Variants in TSGA13 observed in about 807,000 individuals in gnomAD.
The protein encoded by TSGA13 is testis-specific gene 13 protein.
Under a neutral mutation model 35.1 loss-of-function variants are expected in TSGA13, and 37 were observed. The observed-to-expected ratio is 1.05, with a 90% CI of 0.81 to 1.39. TSGA13 has a LOEUF of 1.39. Among genes scored for constraint, TSGA13 ranks in the 40% most tolerant of loss-of-function variants. The pLI is 0.00. For missense variants in TSGA13, 338 were observed against 328.5 expected (o/e 1.03, Z -0.22); for synonymous variants, 124 against 121.2 (o/e 1.02, Z -0.15).
At chr7:130,672,612 T>A (rs1171871307) in intron 6 of TSGA13, 122 bp downstream of exon 6, 24 of 1,329,154 alleles carry the variant, frequency 1.8e-5, no homozygotes, top group Non-Finnish European at 2.5e-5. Context: ...GTAGGGAAAG[T>A]CGTGTCTTAC....
At chr7:130,684,592 A>C (rs912896775) in intron 2 of TSGA13, among the ~76,000 whole-genome samples, 1 of 152,206 alleles carries the variant, frequency 6.6e-6, no homozygotes, top group Non-Finnish European at 1.5e-5. Flanking sequence ...TAGCCACGCT[A>C]TGTCGTTTGT....
chr7:130,679,127 T>A (rs1380356526), intron 5 of TSGA13, 28 bp downstream of exon 5: 3 of 1,575,912 alleles, frequency 1.9e-6, no homozygotes, highest in Non-Finnish European at 1.7e-6. Context: ...AGGGTTCACA[T>A]TTTGGGTGCC....
At chr7:130,680,333 C>G (rs533230328) in intron 4 of TSGA13, among the ~76,000 whole-genome samples, 43 of 151,950 alleles carry the variant, frequency 2.8e-4, no homozygotes, top group African/African-American at 1.0e-3. Context: ...GGTGAAACCC[C>G]GTCTCTACTA....
At chr7:130,682,526 AG>A (rs1294035048) in intron 3 of TSGA13, among the ~76,000 whole-genome samples, 1 of 151,968 alleles carries the variant, frequency 6.6e-6, no homozygotes, top group Non-Finnish European at 1.5e-5. Flanking sequence ...TACAGGTATG[AG>A]CCACCACGCC....
chr7:130,672,101 G>A (rs1796286475), intron 6 of TSGA13, among the ~76,000 whole-genome samples: 1 of 152,062 alleles, frequency 6.6e-6, no homozygotes, highest in Admixed American at 6.6e-5. Flanking sequence ...TGTTGGCCAG[G>A]CTGGTCTCGA....
intron 7 of TSGA13, among the ~76,000 whole-genome samples, chr7:130,669,688 G>C (rs1346798842): frequency 1.3e-5 from 2 of 152,194 alleles, no homozygotes. Flanking sequence ...CTACATCCTA[G>C]AGAAATTCTT....
chr7:130,674,789 C>T (rs1426186464), intron 5 of TSGA13, among the ~76,000 whole-genome samples: 1 of 152,180 alleles, frequency 6.6e-6, no homozygotes, highest in Non-Finnish European at 1.5e-5. Flanking sequence ...TTAATACTTG[C>T]TGCTTCTGAA....
chr7:130,680,324 G>A (rs1796513947), intron 4 of TSGA13, among the ~76,000 whole-genome samples: 1 of 152,030 alleles, frequency 6.6e-6, no homozygotes, highest in South Asian at 2.1e-4. Context: ...GGCTAACACG[G>A]TGAAACCCCG....
At position 130,672,797 on chromosome 7, in the gene TSGA13, A is replaced by G; in HGVS notation, c.467T>C (p.Leu156Pro). 6.2e-7 allele frequency: 1 copy of G among 1,613,980 alleles called. No individual in the cohort carries two copies. The highest frequency in any genetic ancestry group is 1.3e-5 in the African/African-American group (1 of 75,062). ...MPQKKKLRSK[L>P]KPIFPLILSD... ...CAGTATCAAAGGGAAGATTGGTTTC[A>G]GCTTAGATCTTAACTTTTTTTTCTG... Residue 156 changes from leucine (L) to proline (P), a missense_variant, in exon 6 of 8, where the codon CTG becomes CCG. By Grantham distance (98) the Leu-to-Pro change is moderately conservative (BLOSUM62 -3). Transcript: ENST00000356588.
At chr7:130,671,518 G>T (rs1796266882) in intron 7 of TSGA13, 143 bp downstream of exon 7, 5 of 933,856 alleles carry the variant, frequency 5.4e-6, no homozygotes, top group African/African-American at 3.4e-5. Flanking sequence ...TCTATTTGTT[G>T]TTAACTTCCA....
At chr7:130,670,305 A>G (rs965225472) in intron 7 of TSGA13, among the ~76,000 whole-genome samples, 1 of 152,170 alleles carries the variant, frequency 6.6e-6, no homozygotes, top group Non-Finnish European at 1.5e-5. Flanking sequence ...GGCCTTCGGT[A>G]TCAGGACTAT....
At chr7:130,683,932 C>T (rs1366759329) in intron 2 of TSGA13, among the ~76,000 whole-genome samples, 1 of 152,196 alleles carries the variant, frequency 6.6e-6, no homozygotes, top group Non-Finnish European at 1.5e-5. Context: ...GAGTTGGTTT[C>T]TTCTAAAATA....
At chr7:130,675,856 GT>G (rs1237190131) in intron 5 of TSGA13, among the ~76,000 whole-genome samples, 1 of 152,114 alleles carries the variant, frequency 6.6e-6, no homozygotes, top group African/African-American at 2.4e-5. Context: ...GTTTGTTTTG[GT>G]TTTAGGGTAC....
chr7:130,674,272 T>TA (rs1563078872), intron 5 of TSGA13, among the ~76,000 whole-genome samples: 1 of 146,558 alleles, frequency 6.8e-6, no homozygotes, highest in Admixed American at 6.9e-5. Flanking sequence ...TCCTGGGCTC[T>TA]AGTGGGTCTC....
At chr7:130,683,289 T>C (rs899328254) in intron 3 of TSGA13, among the ~76,000 whole-genome samples, 3 of 152,188 alleles carry the variant, frequency 2.0e-5, no homozygotes, top group African/African-American at 7.2e-5. Context: ...AGATACCCAG[T>C]GGAGTTTTGC....
chr7:130,669,696 C>A (rs563430014), intron 7 of TSGA13, among the ~76,000 whole-genome samples: 1 of 152,350 alleles, frequency 6.6e-6, no homozygotes, highest in African/African-American at 2.4e-5. Flanking sequence ...TAGAGAAATT[C>A]TTTCCCTGAA....
intron 5 of TSGA13, among the ~76,000 whole-genome samples, chr7:130,673,463 A>G (rs1683846356): frequency 6.6e-6 from 1 of 152,102 alleles, no homozygotes; most frequent in Admixed American, 6.5e-5. Flanking sequence ...CTTTACCTAA[A>G]AAAAAAAAGA....
chr7:130,675,130 A>AT (rs1796380257), intron 5 of TSGA13, among the ~76,000 whole-genome samples: 1 of 152,020 alleles, frequency 6.6e-6, no homozygotes, highest in African/African-American at 2.4e-5. Flanking sequence ...TAATGCAAAC[A>AT]TATCACTCAC....
intron 3 of TSGA13, among the ~76,000 whole-genome samples, chr7:130,682,359 A>G (rs1796568247): frequency 6.6e-6 from 1 of 152,094 alleles, no homozygotes. Flanking sequence ...ACCTCCAGTG[A>G]TCCGCCCACC....
Sources: allele counts gnomAD v4.1 joint callset (sites outside exome capture counted in the v4.1 genomes callset), GRCh38; gene constraint gnomAD v4.1.1; transcripts MANE v1.5; gene names NCBI Gene and HGNC (gene_info 2026-07-23, HGNC 2026-07-21).